SUMF1: variants seen among roughly 807,000 people sequenced by gnomAD.
SUMF1 encodes formylglycine-generating enzyme.
SUMF1 carries 48 observed loss-of-function variants against 47.6 expected under a neutral mutation model. The ratio of observed to expected loss-of-function variants is 1.01; its 90% CI spans 0.80 to 1.28. SUMF1 has a LOEUF of 1.28. Among genes scored for constraint, SUMF1 ranks in the 50% most tolerant of loss-of-function variants. The pLI is 0.00. For missense variants in SUMF1, 571 were observed against 485.4 expected (o/e 1.18, Z -1.66); for synonymous variants, 230 against 192.1 (o/e 1.20, Z -1.63).
intron 8 of SUMF1, among the ~76,000 whole-genome samples, chr3:4,152,219 TGA>T (rs1366582592): frequency 6.6e-6 from 1 of 151,400 alleles, no homozygotes; most frequent in Non-Finnish European, 1.5e-5. Flanking sequence ...CACAAAGCAG[TGA>T]GAGATAGGAA....
intron 3 of SUMF1, among the ~76,000 whole-genome samples, chr3:4,445,218 T>C (rs1702739297): frequency 6.6e-6 from 1 of 152,220 alleles, no homozygotes; most frequent in East Asian, 1.9e-4. Context: ...ACACTTAGTA[T>C]GGTAAAACCT....
intron 8 of SUMF1, among the ~76,000 whole-genome samples, chr3:4,137,584 C>A (rs1693968909): frequency 6.6e-6 from 1 of 152,132 alleles, no homozygotes; most frequent in Non-Finnish European, 1.5e-5. Context: ...AACAAACCTG[C>A]ACGTTGTGCA....
At position 4,074,666 on chromosome 3, in the gene SUMF1, G is replaced by C. The variant is rs111783900; in HGVS notation, c.1015-5921C>G. Among the ~76,000 whole-genome samples, 159 of 152,078 alleles carry C rather than the reference G, an allele frequency of 1.0e-3. 4 individuals carry two copies. Among genetic ancestry groups the C allele is most frequent in the African/African-American group, 3.7e-3 (154 of 41,456 alleles). Reference sequence around the variant, plus strand: ...AAATGATAAAGGGGATATTACCACCGATCCCATGGAAATACAAACTACCAT... The same window carrying C: ...AAATGATAAAGGGGATATTACCACCCATCCCATGGAAATACAAACTACCAT... On this transcript the variant is annotated intron_variant and NMD_transcript_variant, in intron 8 of 12. Coordinates refer to the SUMF1 transcript ENST00000448413.
At chr3:4,294,857 C>T (rs1035832509) in intron 8 of SUMF1, among the ~76,000 whole-genome samples, 1 of 149,614 alleles carries the variant, frequency 6.7e-6, no homozygotes, top group African/African-American at 2.5e-5. Context: ...AGACACTGAG[C>T]GAGGTCTTTT....
intron 2 of SUMF1, among the ~76,000 whole-genome samples, chr3:4,450,834 G>A (rs763212181): frequency 5.3e-5 from 8 of 151,990 alleles, no homozygotes; most frequent in African/African-American, 9.7e-5. Context: ...GAGAAAATAC[G>A]GGCCAAGTTC....
rs137852850 is a variant in SUMF1 at position 4,449,322 on chromosome 3, A to G, written c.463T>C (p.Ser155Pro). The G allele has an allele frequency of 5.1e-5, 83 of 1,614,052 alleles. No homozygotes were observed. Among genetic ancestry groups the G allele is most frequent in the Non-Finnish European group, 1.2e-5 (14 of 1,179,998 alleles). ...CTCAACATGCCTTCAAAGACAAAGG[A>G]GTCGCCAAACTTCTCAGCCTATAAG... Reference protein sequence around the residue: ...YLTEAEKFGDSFVFEGMLSEQ... With the variant: ...YLTEAEKFGDPFVFEGMLSEQ... Residue 155 changes from serine to proline, a missense_variant, in exon 3 of 9, where the codon TCC becomes CCC. Ser to Pro is a moderately conservative substitution (Grantham distance 74). Coordinates refer to ENST00000272902, the MANE Select transcript of SUMF1 (RefSeq NM_182760.4).
intron 8 of SUMF1, among the ~76,000 whole-genome samples, chr3:4,366,462 C>G (rs565365301): frequency 1.6e-3 from 238 of 151,638 alleles, no homozygotes; most frequent in Middle Eastern, 0.01. Flanking sequence ...TCATTTCATT[C>G]ATTTCATCTT....
intron 9 of SUMF1, among the ~76,000 whole-genome samples, chr3:4,035,842 G>T (rs954106396): frequency 6.6e-6 from 1 of 151,492 alleles, no homozygotes; most frequent in African/African-American, 2.4e-5. Flanking sequence ...ATAAACTGTA[G>T]TAATATTAGT....
chr3:4,294,900 G>T (rs1354006167), intron 8 of SUMF1, among the ~76,000 whole-genome samples: 1 of 152,132 alleles, frequency 6.6e-6, no homozygotes, highest in Non-Finnish European at 1.5e-5. Flanking sequence ...AGAGTAAAAA[G>T]GAGTTTCCAC....
chr3:4,365,993 T>C (rs2125188773), intron 8 of SUMF1, among the ~76,000 whole-genome samples: 1 of 152,130 alleles, frequency 6.6e-6, no homozygotes, highest in South Asian at 2.1e-4. Flanking sequence ...TTTGGCTGGA[T>C]ATGAAATTCT....
chr3:4,144,502 A>G (rs1021431833), intron 8 of SUMF1, among the ~76,000 whole-genome samples: 2 of 152,140 alleles, frequency 1.3e-5, no homozygotes, highest in East Asian at 3.8e-4. Context: ...AAAATGAAAA[A>G]CAAGAGACCA....
At chr3:4,344,150 C>G (rs1575114090) in intron 8 of SUMF1, among the ~76,000 whole-genome samples, 1 of 152,200 alleles carries the variant, frequency 6.6e-6, no homozygotes, top group African/African-American at 2.4e-5. Context: ...GAATCCTTCA[C>G]CGGCAACCAA....
At chr3:4,270,388 C>T (rs1458348509) in intron 8 of SUMF1, among the ~76,000 whole-genome samples, 2 of 151,994 alleles carry the variant, frequency 1.3e-5, no homozygotes, top group Non-Finnish European at 2.9e-5. Context: ...CACTTCTCTT[C>T]TCTCTTTGCT....
intron 8 of SUMF1, among the ~76,000 whole-genome samples, chr3:4,310,232 T>C (rs191807071): frequency 1.8e-4 from 27 of 152,340 alleles, no homozygotes; most frequent in African/African-American, 6.3e-4. Flanking sequence ...AATATTTGAA[T>C]AGAATGTTAG....
chr3:4,175,096 T>A (rs577709059), intron 8 of SUMF1, among the ~76,000 whole-genome samples: 1 of 152,206 alleles, frequency 6.6e-6, no homozygotes, highest in East Asian at 1.9e-4. Flanking sequence ...TCCACCTCTC[T>A]GGGCAGGGCA....
At chr3:4,068,250 C>G (rs1230680255) in intron 9 of SUMF1, among the ~76,000 whole-genome samples, 1 of 151,900 alleles carries the variant, frequency 6.6e-6, no homozygotes, top group African/African-American at 2.4e-5. Flanking sequence ...GCTTTATTAG[C>G]TTGCTCAGTG....
intron 8 of SUMF1, among the ~76,000 whole-genome samples, chr3:4,118,470 A>G (rs1478848119): frequency 6.6e-6 from 1 of 152,156 alleles, no homozygotes; most frequent in African/African-American, 2.4e-5. Context: ...TTAGTTCCAG[A>G]GAGAGGGACT....
chr3:4,054,896 A>G (rs1317121939), intron 9 of SUMF1, among the ~76,000 whole-genome samples: 1 of 152,174 alleles, frequency 6.6e-6, no homozygotes, highest in African/African-American at 2.4e-5. Flanking sequence ...TCCCCATGTT[A>G]CAATGAAGAA....
intron 8 of SUMF1, among the ~76,000 whole-genome samples, chr3:4,206,973 C>T (rs1305746646): frequency 6.6e-6 from 1 of 151,706 alleles, no homozygotes; most frequent in East Asian, 1.9e-4. Flanking sequence ...ACTAAGTCTT[C>T]TAATCCACAA....
Sources: gnomAD v4.1 joint callset for allele counts (sites outside exome capture counted in the v4.1 genomes callset) on GRCh38, gnomAD v4.1.1 for gene constraint, MANE v1.5 for transcripts, NCBI Gene and HGNC (gene_info 2026-07-23, HGNC 2026-07-21) for gene names.